MDGA2: variants seen among roughly 807,000 people sequenced by gnomAD.
MDGA2 encodes the protein MAM domain-containing glycosylphosphatidylinositol anchor protein 2.
In MDGA2, 40 loss-of-function variants were observed where a neutral mutation model predicts 117.8. The ratio of observed to expected loss-of-function variants is 0.34; its 90% CI spans 0.26 to 0.44. MDGA2 has a LOEUF of 0.44. Ranked by LOEUF, MDGA2 falls within the 20% of genes least tolerant of loss-of-function variation. MDGA2 has a pLI of 1.00. For synonymous variants in MDGA2, 452 were observed against 439.0 expected (o/e 1.03, Z -0.37); for missense variants, 1,123 against 1,250.6 (o/e 0.90, Z 1.54).
intron 2 of MDGA2, among the ~76,000 whole-genome samples, chr14:47,225,775 C>T (rs575079722): frequency 1.3e-5 from 2 of 151,860 alleles, no homozygotes; most frequent in African/African-American, 4.8e-5. Context: ...AACTAACCAG[C>T]ACATTGTGCA....
chr14:47,548,116 T>C (rs1594911252), intron 1 of MDGA2, among the ~76,000 whole-genome samples: 2 of 152,210 alleles, frequency 1.3e-5, no homozygotes, highest in African/African-American at 4.8e-5. Flanking sequence ...TTTACATGCA[T>C]GTGTAGAGTA....
intron 1 of MDGA2, chr14:47,626,210 T>C (rs1294335767): frequency 1.3e-5 from 2 of 152,246 alleles, no homozygotes; most frequent in South Asian, 2.1e-4. Flanking sequence ...TTTGTTTTGA[T>C]TTTTTGGTTT....
intron 1 of MDGA2, among the ~76,000 whole-genome samples, chr14:47,342,012 G>C (rs1164859138): frequency 7.9e-5 from 12 of 151,848 alleles, no homozygotes; most frequent in Admixed American, 7.9e-4. Flanking sequence ...GATAATTTTT[G>C]TATTTTTAGT....
rs181379284 is a variant in MDGA2 at position 47,113,173 on chromosome 14, A to G, written c.926-16050T>C. On this transcript the variant is annotated intron_variant, in intron 5 of 16. Transcript: ENST00000399232. ...ACAGAAATACAAACAACCATCAGAG[A>G]ATACTATAAACACCTCCATTCAAAC... Among the ~76,000 whole-genome samples the G allele has an allele frequency of 1.2e-3, 189 of 152,262 alleles. 1 individual carries two copies. Among genetic ancestry groups the G allele is most frequent in the African/African-American group, 4.3e-3 (177 of 41,562 alleles).
intron 2 of MDGA2, among the ~76,000 whole-genome samples, chr14:47,236,777 C>T (rs1298454656): frequency 2.0e-5 from 3 of 152,112 alleles, no homozygotes; most frequent in Admixed American, 2.0e-4. Flanking sequence ...CATAAAATAT[C>T]AGCTTTTAGA....
At position 47,000,398 on chromosome 14, in the gene MDGA2, TAA is replaced by T. The variant is rs370497409; in HGVS notation, c.1819+34611_1819+34612del. 8.0e-3 allele frequency among the ~76,000 whole-genome samples: 125 copies of T among 15,638 alleles called. 3 individuals are homozygous for T. The highest frequency in any genetic ancestry group is 0.033 in the East Asian group (7 of 214). The allele number at this position is 15,638 out of a possible 152,430, so 10.3% of individuals were successfully genotyped here. On this transcript the variant is annotated intron_variant, in intron 8 of 16. Coordinates refer to ENST00000399232, the MANE Select transcript of MDGA2 (RefSeq NM_001113498.3). ...ATATTTATATATATATATTTATATA[TAA>T]ATATATATTTATATATATACACATA...
chr14:46,873,818 C>G (rs997794138), intron 13 of MDGA2: 8 of 573,762 alleles, frequency 1.4e-5, no homozygotes, highest in Admixed American at 7.9e-5. Context: ...GAAATTTAGA[C>G]TTGAATTATC....
At chr14:47,485,089 C>G (rs921907938) in intron 1 of MDGA2, among the ~76,000 whole-genome samples, 2 of 152,014 alleles carry the variant, frequency 1.3e-5, no homozygotes, top group Non-Finnish European at 2.9e-5. Context: ...GAGGTTGAAA[C>G]AGTTTGGAGG....
chr14:47,222,120 C>A (rs1305243102), intron 2 of MDGA2, among the ~76,000 whole-genome samples: 1 of 151,830 alleles, frequency 6.6e-6, no homozygotes, highest in Non-Finnish European at 1.5e-5. Context: ...ACTAAAAGAG[C>A]CTACTAGACT....
chr14:46,921,577 C>T (rs1884132355), intron 9 of MDGA2, among the ~76,000 whole-genome samples: 1 of 150,044 alleles, frequency 6.7e-6, no homozygotes, highest in South Asian at 2.1e-4. Context: ...CAAGATTGTG[C>T]CACTGCACTC....
At chr14:47,508,036 T>C (rs1012771436) in intron 1 of MDGA2, among the ~76,000 whole-genome samples, 5 of 152,188 alleles carry the variant, frequency 3.3e-5, no homozygotes, top group African/African-American at 1.2e-4. Flanking sequence ...AAGAATTCTA[T>C]TTTTGAATGG....
chr14:47,476,901 C>T lies in MDGA2; in HGVS notation c.281-175351G>A, dbSNP rs1893853343. Among the ~76,000 whole-genome samples the T allele has an allele frequency of 1.3e-5, 2 of 152,194 alleles. 1 individual carries two copies. The highest frequency in any genetic ancestry group is 4.1e-4 in the South Asian group (2 of 4,832). On this transcript the variant is annotated intron_variant, in intron 1 of 16. Coordinates refer to ENST00000399232, the MANE Select transcript of MDGA2 (RefSeq NM_001113498.3). ...ATTTCACTGGGCGTGGTGGCTCATGCCTGTAATCCCAGCACTTTGGGAGGC... is the reference window on the plus strand; with the variant it reads ...ATTTCACTGGGCGTGGTGGCTCATGTCTGTAATCCCAGCACTTTGGGAGGC...
At chr14:47,376,309 T>C (rs1372956875) in intron 1 of MDGA2, among the ~76,000 whole-genome samples, 1 of 152,154 alleles carries the variant, frequency 6.6e-6, no homozygotes, top group Non-Finnish European at 1.5e-5. Flanking sequence ...ACATACTTAT[T>C]CTATACTTGT....
intron 3 of MDGA2, among the ~76,000 whole-genome samples, chr14:47,166,861 C>T (rs1354226313): frequency 6.6e-6 from 1 of 152,156 alleles, no homozygotes; most frequent in African/African-American, 2.4e-5. Context: ...TTACCAAATG[C>T]TCCTCATTCT....
intron 1 of MDGA2, among the ~76,000 whole-genome samples, chr14:47,594,654 T>C (rs1462158416): frequency 6.6e-6 from 1 of 152,188 alleles, no homozygotes; most frequent in Non-Finnish European, 1.5e-5. Flanking sequence ...GCTAGTTACT[T>C]AAAGACTCTT....
chr14:46,933,647 A>G (rs924101952), intron 9 of MDGA2, among the ~76,000 whole-genome samples: 2 of 151,316 alleles, frequency 1.3e-5, no homozygotes, highest in Non-Finnish European at 3.0e-5. Context: ...AATTTGAGGG[A>G]ATTTGAAAAT....
At chr14:46,916,227 C>T (rs1282365492) in intron 10 of MDGA2, among the ~76,000 whole-genome samples, 1 of 152,176 alleles carries the variant, frequency 6.6e-6, no homozygotes, top group Admixed American at 6.5e-5. Flanking sequence ...ACTTCCTACT[C>T]CCAAGACTTG....
At chr14:47,430,453 G>A (rs925982710) in intron 1 of MDGA2, among the ~76,000 whole-genome samples, 5 of 152,082 alleles carry the variant, frequency 3.3e-5, no homozygotes, top group Non-Finnish European at 2.9e-5. Flanking sequence ...CACGATCTGC[G>A]TTTCTCATAC....
At chr14:47,447,770 C>T (rs1893154271) in intron 1 of MDGA2, among the ~76,000 whole-genome samples, 1 of 152,190 alleles carries the variant, frequency 6.6e-6, no homozygotes, top group Non-Finnish European at 1.5e-5. Flanking sequence ...GCAGTGAGCT[C>T]TCTCATAGAT....
Sources: gnomAD v4.1 joint callset for allele counts (sites outside exome capture counted in the v4.1 genomes callset) on GRCh38, gnomAD v4.1.1 for gene constraint, MANE v1.5 for transcripts, NCBI Gene and HGNC (gene_info 2026-07-23, HGNC 2026-07-21) for gene names.